Variants in UBE2Z observed in about 807,000 individuals in gnomAD.
UBE2Z encodes ubiquitin conjugating enzyme E2 Z.
Under a neutral mutation model 32.6 loss-of-function variants are expected in UBE2Z, and 10 were observed. The ratio of observed to expected loss-of-function variants is 0.31; its 90% CI spans 0.19 to 0.52. UBE2Z has a LOEUF of 0.52. Among genes scored for constraint, UBE2Z ranks in the 20% least tolerant of loss-of-function variants. UBE2Z has a pLI of 0.97. For synonymous variants in UBE2Z, 183 were observed against 190.8 expected (o/e 0.96, Z 0.34); for missense variants, 343 against 480.9 (o/e 0.71, Z 2.68).
intron 4 of UBE2Z, among the ~76,000 whole-genome samples, chr17:48,919,196 G>C (rs1220341533): frequency 6.6e-6 from 1 of 151,488 alleles, no homozygotes; most frequent in African/African-American, 2.4e-5. Flanking sequence ...GTTTTGGCCA[G>C]GCTGGTCTCC....
At chr17:48,915,611 C>G (rs1332179027) in intron 3 of UBE2Z, 4 of 171,028 alleles carry the variant, frequency 2.3e-5, no homozygotes, top group Non-Finnish European at 4.9e-5. Context: ...AGAACTGGAT[C>G]CCCAATAGCC....
In UBE2Z at chr17:48,912,907, C is replaced by T. The variant is rs777091743; in HGVS notation, c.464C>T (p.Pro155Leu). 1 of 1,613,840 alleles carries T rather than the reference C, an allele frequency of 6.2e-7. No individual in the cohort carries two copies. Among genetic ancestry groups the T allele is most frequent in the Non-Finnish European group, 8.5e-7 (1 of 1,179,878 alleles). Residue 155 changes from proline to leucine, a missense_variant, in exon 3 of 7, where the codon CCG (proline) becomes CTG (leucine). This residue lies in a region of UBE2Z where 182 missense variants were observed against 312.4 expected (regional missense o/e 0.58). Coordinates refer to ENST00000360943, the MANE Select transcript of UBE2Z (RefSeq NM_023079.5). ...GGFFLFVFRC[P>L]PDYPIHPPRV... Reference sequence around the variant, plus strand: ...TTCTTCCTGTTCGTGTTTCGGTGTCCGCCCGACTATCCCATCCACCCACCT... The same window carrying T: ...TTCTTCCTGTTCGTGTTTCGGTGTCTGCCCGACTATCCCATCCACCCACCT...
chr17:48,908,447 C>T lies in UBE2Z; in HGVS notation c.-57C>T. ...TCGGTGGTGCGGGAGCGGGCGGGAG[C>T]AGCGGCCGCTCTGGTCGGCGGACGT... On this transcript the variant is annotated 5_prime_UTR_variant, in exon 1 of 7. Transcript: ENST00000360943. The T allele has an allele frequency of 8.2e-7, 1 of 1,213,626 alleles. No individual in the cohort carries two copies. Among genetic ancestry groups the T allele is most frequent in the Non-Finnish European group, 1.0e-6 (1 of 973,830 alleles). The allele number at this position is 1,213,626 out of a possible 1,614,324, so 75.2% of individuals were successfully genotyped here.
rs73329977 is a variant in UBE2Z at position 48,922,958 on chromosome 17, A to G, written c.894+21A>G. 2.0e-3 allele frequency: 3,152 copies of G among 1,596,920 alleles called. 56 individuals carry two copies. The African/African-American group carries it at 0.036, about 18-fold the overall frequency. On this transcript the variant is annotated intron_variant, in intron 6 of 6. Transcript: ENST00000360943. Reference sequence around the variant, plus strand: ...TGCAGGTAATACAACCCCTGCTGCTAATTGCAGAAGCCCTACAGCTGGCCA... The same window carrying G: ...TGCAGGTAATACAACCCCTGCTGCTGATTGCAGAAGCCCTACAGCTGGCCA...
At position 48,922,701 on chromosome 17, in the gene UBE2Z, A is replaced by T. The variant is rs552714082; in HGVS notation, c.804-146A>T. ...AGAATTGCATGAATCCGGGAGGCAG[A>T]GGTCACAGTGAGCTGAGGTTGCACC... On this transcript the variant is annotated intron_variant, in intron 5 of 6. Transcript: ENST00000360943. The T allele has an allele frequency of 6.9e-4, 346 of 499,818 alleles. 2 individuals carry two copies. Among genetic ancestry groups the T allele is most frequent in the Non-Finnish European group, 1.0e-4 (28 of 277,702 alleles). 31.0% of individuals were successfully genotyped at this position (499,818 alleles called of 1,614,324 possible).
In UBE2Z at chr17:48,912,658, A is replaced by C. The variant is rs2040688611; in HGVS notation, c.391-176A>C. 8 of 632,654 alleles carry C rather than the reference A, an allele frequency of 1.3e-5. No homozygotes were observed. The South Asian group carries it at 1.9e-4, about 15-fold the overall frequency. 39.2% of individuals were successfully genotyped at this position (632,654 alleles called of 1,614,324 possible). ...CTGTAATGAGATTTCTTAAAATTCC[A>C]AACCTACGTATTAGTATGAGTGAAT... On this transcript the variant is annotated intron_variant, in intron 2 of 6. Transcript: ENST00000360943.
intron 4 of UBE2Z, among the ~76,000 whole-genome samples, chr17:48,919,229 C>CCAAAG (rs2040742621): frequency 6.6e-6 from 1 of 152,026 alleles, no homozygotes; most frequent in Non-Finnish European, 1.5e-5. Context: ...TATGATCCAC[C>CCAAAG]TGCCTCGGCC....
intron 4 of UBE2Z, among the ~76,000 whole-genome samples, chr17:48,919,070 CAG>C (rs2040741427): frequency 6.6e-6 from 1 of 151,290 alleles, no homozygotes. Context: ...TTTTTACTTC[CAG>C]AATGACTTGC....
At chr17:48,921,389 T>C in intron 5 of UBE2Z, 117 bp downstream of exon 5, 1 of 765,838 alleles carries the variant, frequency 1.3e-6, no homozygotes. Flanking sequence ...AAAGATGTGG[T>C]TCCTGCTTTT....
chr17:48,908,870 T>C, intron 1 of UBE2Z, 50 bp downstream of exon 1: 1 of 1,118,746 alleles, frequency 8.9e-7, no homozygotes, highest in Non-Finnish European at 1.1e-6. Flanking sequence ...GGCTCGACCT[T>C]CCCCGCCCCC....
At chr17:48,911,119 C>A in intron 2 of UBE2Z, 1 of 513,786 alleles carries the variant, frequency 1.9e-6, no homozygotes, top group South Asian at 2.6e-5. Flanking sequence ...CAGTTCATGT[C>A]TGTTGTCGCA....
At chr17:48,919,334 G>GT (rs1418964298) in intron 4 of UBE2Z, among the ~76,000 whole-genome samples, 1 of 152,124 alleles carries the variant, frequency 6.6e-6, no homozygotes, top group Non-Finnish European at 1.5e-5. Flanking sequence ...GGGGTTGGTG[G>GT]TAAGAGGAGA....
At chr17:48,916,980 G>T (rs2040724727) in intron 4 of UBE2Z, among the ~76,000 whole-genome samples, 1 of 151,342 alleles carries the variant, frequency 6.6e-6, no homozygotes, top group African/African-American at 2.4e-5. Context: ...TCCAGCCTGG[G>T]TAAGGAGCGA....
intron 2 of UBE2Z, chr17:48,912,623 T>C: frequency 1.8e-6 from 1 of 547,468 alleles, no homozygotes; most frequent in Non-Finnish European, 3.2e-6. Flanking sequence ...CTGAGTAAGA[T>C]GTCATTCCAC....
chr17:48,913,167 T>G (rs1222048631), intron 3 of UBE2Z, 146 bp downstream of exon 3: 3 of 795,002 alleles, frequency 3.8e-6, no homozygotes, highest in Non-Finnish European at 4.0e-6. Context: ...GGATGGTATG[T>G]GACTAGTATC....
chr17:48,919,369 T>TAGAGGCCATA (rs1261407113), intron 4 of UBE2Z, among the ~76,000 whole-genome samples: 1 of 152,064 alleles, frequency 6.6e-6, no homozygotes, highest in African/African-American at 2.4e-5. Context: ...ATTAAAGGAG[T>TAGAGGCCATA]AGAGGCCATA....
Position 48,908,826 on chromosome 17 carries a change from C to A in UBE2Z, c.317+6C>A. 2 of 1,490,940 alleles carry A rather than the reference C, an allele frequency of 1.3e-6. No individual in the cohort carries two copies. Among genetic ancestry groups the A allele is most frequent in the Non-Finnish European group, 1.8e-6 (2 of 1,124,504 alleles). 92.4% of individuals were successfully genotyped at this position (1,490,940 alleles called of 1,614,324 possible). ...TGTCTACTCCGGATCAAGCGGTGAG[C>A]CGGGGTTTTTCCTCCCCCAGCCCCG... On this transcript the variant is annotated splice_donor_region_variant and intron_variant, in intron 1 of 6. Transcript: ENST00000360943.
Position 48,910,710 on chromosome 17 carries a change from C to T in UBE2Z, c.318-98C>T. 3.3e-6 allele frequency: 3 copies of T among 910,108 alleles called. No homozygotes were observed. In the South Asian group the frequency reaches 4.0e-5, roughly 12 times the overall value. 56.4% of individuals were successfully genotyped at this position (910,108 alleles called of 1,614,324 possible). A position where few individuals can be genotyped will look rare whatever the true frequency, so the allele number is the denominator to read the frequency against. On this transcript the variant is annotated intron_variant, in intron 1 of 6. Transcript: ENST00000360943. ...GTACCAAGCACCACTTTCTCAAACC[C>T]TGGCCTCATTGAGGTGATAACAACT...
At chr17:48,909,495 C>T (rs566250610) in intron 1 of UBE2Z, among the ~76,000 whole-genome samples, 6 of 151,710 alleles carry the variant, frequency 4.0e-5, no homozygotes, top group African/African-American at 1.2e-4. Context: ...CAGTGCCACT[C>T]TGGATTGTAA....
Sources: allele counts gnomAD v4.1 joint callset (sites outside exome capture counted in the v4.1 genomes callset), GRCh38; gene constraint gnomAD v4.1.1; regional missense constraint gnomAD v4.1.1; transcripts MANE v1.5; gene names NCBI Gene and HGNC (gene_info 2026-07-23, HGNC 2026-07-21).